The following STARD13 variants were observed in gnomAD, a reference collection of about 807,000 sequenced individuals.
The protein encoded by STARD13 is StAR related lipid transfer domain containing 13.
A neutral mutation model predicts 106.4 loss-of-function variants in STARD13; 62 were observed. The ratio of observed to expected loss-of-function variants is 0.58; its 90% confidence interval spans 0.48 to 0.72. The LOEUF (loss-of-function observed/expected upper bound fraction) is 0.72, where lower values mean the gene tolerates loss of function less well. STARD13 is among the 30% of genes least tolerant of loss of function. The pLI is 0.00. For synonymous variants in STARD13, 565 were observed against 553.0 expected, an observed-to-expected ratio of 1.02 and a Z score of -0.31; for missense variants, 1,387 against 1,424.0, an observed-to-expected ratio of 0.97 and a Z score of 0.42.
At chr13:33,621,834 C>A in the STARD13 span, among the ~76,000 whole-genome samples, 1 of 149,892 alleles carries the variant, frequency 6.7e-6, no homozygotes, top group Non-Finnish European at 1.5e-5. Flanking sequence ...GACGAAGTCT[C>A]GCTCTTGTCA....
the STARD13 span, among the ~76,000 whole-genome samples, chr13:33,491,066 G>C: frequency 6.6e-6 from 1 of 152,210 alleles, no homozygotes; most frequent in East Asian, 1.9e-4. Flanking sequence ...ATGTGGCCAT[G>C]TGACTTGCTT....
intron 1 of STARD13, among the ~76,000 whole-genome samples, chr13:33,209,325 G>A: frequency 6.6e-6 from 1 of 152,160 alleles, no homozygotes; most frequent in East Asian, 1.9e-4. Flanking sequence ...CAGAACCTGT[G>A]TGCCTGAGCC....
At chr13:33,182,545 C>T (rs974680341) in intron 1 of STARD13, among the ~76,000 whole-genome samples, 1 of 152,112 alleles carries the variant, frequency 6.6e-6, no homozygotes, top group African/African-American at 2.4e-5. Flanking sequence ...GAAAAATTGT[C>T]TTGGGCCACA....
chr13:33,205,845 G>T (rs1384076925), intron 1 of STARD13: 2 of 985,278 alleles, frequency 2.0e-6, no homozygotes, highest in Non-Finnish European at 2.4e-6. Context: ...CTTAGGCTGT[G>T]CTGTACCTTT....
intron 3 of STARD13, among the ~76,000 whole-genome samples, chr13:33,145,822 G>A (rs559416781): frequency 2.0e-5 from 3 of 152,296 alleles, no homozygotes; most frequent in Admixed American, 1.3e-4. Context: ...AGGCAAAACT[G>A]TAGTGACAGG....
At chr13:33,327,943 G>A (rs1469376882) in intron 1 of STARD13, among the ~76,000 whole-genome samples, 1 of 152,218 alleles carries the variant, frequency 6.6e-6, no homozygotes, top group Non-Finnish European at 1.5e-5. Context: ...TTCCCAAGAA[G>A]AGCTTCAAGT....
chr13:33,371,610 C>G, the STARD13 span, among the ~76,000 whole-genome samples: 1 of 152,202 alleles, frequency 6.6e-6, no homozygotes, highest in African/African-American at 2.4e-5. Flanking sequence ...GGAGTTCCCT[C>G]CTGCTCCCTG....
At chr13:33,188,719 A>G (rs375083615) in intron 1 of STARD13, among the ~76,000 whole-genome samples, 1 of 152,360 alleles carries the variant, frequency 6.6e-6, no homozygotes, top group East Asian at 1.9e-4. Flanking sequence ...AGAAAATGAA[A>G]TGCATTGAAA....
intron 1 of STARD13, among the ~76,000 whole-genome samples, chr13:33,216,494 A>G (rs977607094): frequency 6.6e-6 from 1 of 152,186 alleles, no homozygotes; most frequent in Non-Finnish European, 1.5e-5. Context: ...ATTCTTACTT[A>G]TAAGTGGGAG....
At chr13:33,442,526 T>C in the STARD13 span, among the ~76,000 whole-genome samples, 4 of 152,166 alleles carry the variant, frequency 2.6e-5, no homozygotes, top group African/African-American at 9.7e-5. Flanking sequence ...AAACAGAGTT[T>C]GAATTTGATG....
chr13:33,237,702 C>G (rs138907989), intron 1 of STARD13, among the ~76,000 whole-genome samples: 5 of 152,278 alleles, frequency 3.3e-5, no homozygotes, highest in African/African-American at 1.2e-4. Context: ...ACTACACTTA[C>G]CAAAAAATTT....
rs573896343 is a variant in STARD13, at chr13:33,186,941, CA to C, written c.170-19320del. ...AAAATGGGTGGGAAGTAGTTCACAG[CA>C]ACGCTCTTAAGTGCTTGTGTAGGAG... On this transcript the variant is annotated intron_variant, in intron 1 of 13. Transcript: ENST00000336934. Among the ~76,000 whole-genome samples the C allele has an allele frequency of 2.0e-5, 3 of 152,302 alleles. No individual in the cohort carries two copies. The East Asian group carries it at 5.8e-4, about 29-fold the overall frequency.
the STARD13 span, among the ~76,000 whole-genome samples, chr13:33,404,909 T>A: frequency 1.3e-5 from 2 of 151,998 alleles, no homozygotes; most frequent in Non-Finnish European, 2.9e-5. Context: ...CTCGAGGAGC[T>A]GGGATTACAG....
the STARD13 span, among the ~76,000 whole-genome samples, chr13:33,488,957 C>G: frequency 6.6e-6 from 1 of 152,322 alleles, no homozygotes; most frequent in African/African-American, 2.4e-5. Context: ...ACCCTCAAGT[C>G]CCTCAGATTC....
chr13:33,518,233 C>A, the STARD13 span, among the ~76,000 whole-genome samples: 1 of 152,078 alleles, frequency 6.6e-6, no homozygotes, highest in African/African-American at 2.4e-5. Flanking sequence ...AAATTACCCC[C>A]CATCCCAGAT....
At chr13:33,597,355 C>A in the STARD13 span, among the ~76,000 whole-genome samples, 2 of 150,676 alleles carry the variant, frequency 1.3e-5, no homozygotes, top group Admixed American at 1.3e-4. Flanking sequence ...TATTCAAATC[C>A]TTTGCCCATT....
the STARD13 span, among the ~76,000 whole-genome samples, chr13:33,570,912 T>C: frequency 6.6e-6 from 1 of 152,170 alleles, no homozygotes; most frequent in African/African-American, 2.4e-5. Context: ...AAGCTCTGAT[T>C]TGAAAGATAT....
chr13:33,660,066 G>T, the STARD13 span: 14 of 152,234 alleles, frequency 9.2e-5, no homozygotes, highest in Non-Finnish European at 1.6e-4. Context: ...GAGGAACATT[G>T]AGGGAGGAGA....
chr13:33,413,239 A>G, the STARD13 span, among the ~76,000 whole-genome samples: 1 of 152,160 alleles, frequency 6.6e-6, no homozygotes, highest in Non-Finnish European at 1.5e-5. Context: ...AATACAATAT[A>G]TCAAAATTTG....
Sources: allele counts gnomAD v4.1 joint callset (sites outside exome capture counted in the v4.1 genomes callset), GRCh38; gene constraint gnomAD v4.1.1; transcripts MANE v1.5; gene names NCBI Gene and HGNC (gene_info 2026-07-23, HGNC 2026-07-21).